The following VWA8 variants were observed in gnomAD, a reference collection of about 807,000 sequenced individuals.
The protein encoded by VWA8 is von Willebrand factor A domain-containing protein 8.
A neutral mutation model predicts 241.5 loss-of-function variants in VWA8; 221 were observed. The ratio of observed to expected loss-of-function variants is 0.91; its 90% CI spans 0.82 to 1.02. VWA8 has a LOEUF of 1.02. VWA8 is among the 50% of genes least tolerant of loss of function. VWA8 has a pLI of 0.00. For missense variants in VWA8, 2,322 were observed against 2,328.7 expected (o/e 1.00, Z 0.06); for synonymous variants, 852 against 827.1 (o/e 1.03, Z -0.52).
chr13:41,836,513 AT>A (rs546725815), intron 12 of VWA8, among the ~76,000 whole-genome samples: 92 of 150,054 alleles, frequency 6.1e-4, no homozygotes, highest in African/African-American at 2.0e-3. Flanking sequence ...AACTGGTAAC[AT>A]TTTTTTTTTA....
At chr13:41,688,684 T>C (rs548778658) in intron 34 of VWA8, among the ~76,000 whole-genome samples, 1 of 152,208 alleles carries the variant, frequency 6.6e-6, no homozygotes, top group South Asian at 2.1e-4. Context: ...AAAATTTTAA[T>C]CTACAATAAT....
At chr13:41,919,332 CA>C (rs1876404001) in intron 2 of VWA8, among the ~76,000 whole-genome samples, 1 of 152,292 alleles carries the variant, frequency 6.6e-6, no homozygotes, top group African/African-American at 2.4e-5. Flanking sequence ...TCTTTGCTAC[CA>C]GAGATTCCTG....
At chr13:41,703,514 T>C (rs2137829611) in intron 26 of VWA8, 103 bp from the exon 27 acceptor site, 2 of 937,402 alleles carry the variant, frequency 2.1e-6, no homozygotes, top group South Asian at 1.5e-5. Context: ...ATTTGAAGAG[T>C]GCTTTACTTA....
At chr13:41,748,278 C>T (rs976971425) in intron 21 of VWA8, among the ~76,000 whole-genome samples, 6 of 152,116 alleles carry the variant, frequency 3.9e-5, no homozygotes, top group African/African-American at 7.2e-5. Flanking sequence ...ATTTCAGATC[C>T]TGTTATTGGT....
intron 14 of VWA8, among the ~76,000 whole-genome samples, chr13:41,820,904 C>T (rs1048797650): frequency 6.6e-6 from 1 of 152,142 alleles, no homozygotes; most frequent in African/African-American, 2.4e-5. Flanking sequence ...TATCCTTGAT[C>T]CTCTTCTCTC....
chr13:41,617,686 G>T (rs565425013), intron 37 of VWA8, among the ~76,000 whole-genome samples: 275 of 151,906 alleles, frequency 1.8e-3, no homozygotes, highest in Non-Finnish European at 3.3e-3. Context: ...TCCTCGCCCT[G>T]TGTCCAAGTG....
intron 4 of VWA8, among the ~76,000 whole-genome samples, chr13:41,893,143 T>C (rs1203830832): frequency 6.6e-6 from 1 of 152,236 alleles, no homozygotes; most frequent in Admixed American, 6.5e-5. Flanking sequence ...TCTCTATTTT[T>C]TTAAGACTTA....
At chr13:41,668,081 A>T (rs1345227957) in intron 37 of VWA8, among the ~76,000 whole-genome samples, 1 of 152,236 alleles carries the variant, frequency 6.6e-6, no homozygotes, top group Non-Finnish European at 1.5e-5. Context: ...TAGCAAAGAC[A>T]AACAGAGTAG....
At chr13:41,678,701 C>A (rs1014140580) in intron 35 of VWA8, among the ~76,000 whole-genome samples, 50 of 152,128 alleles carry the variant, frequency 3.3e-4, no homozygotes, top group Admixed American at 3.2e-3. Context: ...TTTCCCATAT[C>A]TTTCTTTTCT....
In VWA8 at chr13:41,883,485, A is replaced by G. The variant is rs755940440; in HGVS notation, c.982T>C (p.Phe328Leu). ...LAAAVQILDS[F>L]PMMPIKHAIQ... is the part of the protein sequence containing the mutation. ...GCATGTTTGATTGGCATCATAGGAA[A>G]GGAATCCTATGTAGGAGCAAAAATA... Residue 328 changes from phenylalanine (F) to leucine (L), a missense_variant, in exon 9 of 45, where the codon TTT becomes CTT. Transcript: ENST00000379310. 6.2e-7 allele frequency: 1 copy of G among 1,611,724 alleles called. No individual in the cohort carries two copies. The highest frequency in any genetic ancestry group is 1.1e-5 in the South Asian group (1 of 91,012).
chr13:41,890,201 A>G (rs1593848251), intron 5 of VWA8, among the ~76,000 whole-genome samples: 1 of 152,210 alleles, frequency 6.6e-6, no homozygotes, highest in African/African-American at 2.4e-5. Flanking sequence ...ACCCTCTGGC[A>G]TTCATTATTT....
chr13:41,618,833 A>G (rs1277011497), intron 37 of VWA8, among the ~76,000 whole-genome samples: 1 of 151,984 alleles, frequency 6.6e-6, no homozygotes, highest in African/African-American at 2.4e-5. Context: ...ATTGGTCTAT[A>G]TCTCTGTTTT....
intron 2 of VWA8, among the ~76,000 whole-genome samples, chr13:41,947,749 AT>A (rs566700654): frequency 2.9e-3 from 439 of 152,064 alleles, no homozygotes; most frequent in African/African-American, 0.01. Context: ...AGCCTGATCA[AT>A]GTGGTGAAAC....
chr13:41,592,233 G>A (rs1277295256), intron 40 of VWA8, among the ~76,000 whole-genome samples: 19 of 132,290 alleles, frequency 1.4e-4, no homozygotes, highest in African/African-American at 3.4e-4. Context: ...ACCAAACACC[G>A]CATATTCTCA....
intron 26 of VWA8, among the ~76,000 whole-genome samples, chr13:41,715,606 A>G (rs1191410258): frequency 6.6e-6 from 1 of 152,042 alleles, no homozygotes; most frequent in Non-Finnish European, 1.5e-5. Context: ...AAAAACAGGC[A>G]AACTTTGCTT....
intron 37 of VWA8, among the ~76,000 whole-genome samples, chr13:41,621,260 A>T (rs1210722148): frequency 6.6e-6 from 1 of 152,204 alleles, no homozygotes; most frequent in Non-Finnish European, 1.5e-5. Context: ...ACTGTGGGCT[A>T]ATGTAAGTGC....
Position 41,653,738 on chromosome 13 carries a change from G to T in VWA8, c.4611+17208C>A, listed in dbSNP as rs35630511. On this transcript the variant is annotated intron_variant, in intron 37 of 44. Coordinates refer to ENST00000379310, the MANE Select transcript of VWA8 (RefSeq NM_015058.2). ...ACATAGACCAATGGAACAGAATAGA[G>T]AACCCAGAAACAAAGTTGCCCACCT... 3.7e-3 allele frequency among the ~76,000 whole-genome samples: 568 copies of T among 152,240 alleles called. 1 individual carries two copies. Among genetic ancestry groups the T allele is most frequent in the South Asian group, 0.015 (74 of 4,824 alleles).
intron 2 of VWA8, among the ~76,000 whole-genome samples, chr13:41,923,167 G>C (rs902791072): frequency 1.3e-5 from 2 of 152,084 alleles, no homozygotes; most frequent in Non-Finnish European, 1.5e-5. Flanking sequence ...CCATCATTCT[G>C]AGCAAACTAC....
chr13:41,639,696 G>A (rs1487859113), intron 37 of VWA8, among the ~76,000 whole-genome samples: 2 of 152,152 alleles, frequency 1.3e-5, no homozygotes, highest in Non-Finnish European at 2.9e-5. Flanking sequence ...AGGCATGTTT[G>A]TAAGAACAAA....
Sources: gnomAD v4.1 joint callset for allele counts (sites outside exome capture counted in the v4.1 genomes callset) on GRCh38, gnomAD v4.1.1 for gene constraint, MANE v1.5 for transcripts, NCBI Gene and HGNC (gene_info 2026-07-23, HGNC 2026-07-21) for gene names.